Variants in MDGA2 observed in about 807,000 individuals in gnomAD.
The protein encoded by MDGA2 is MAM domain containing glycosylphosphatidylinositol anchor 2.
In MDGA2, 40 loss-of-function variants were observed where a neutral mutation model predicts 117.8. The observed-to-expected ratio is 0.34, with a 90% CI of 0.26 to 0.44. The LOEUF is 0.44. MDGA2 is among the 20% of genes least tolerant of loss of function. MDGA2 has a pLI of 1.00. For synonymous variants in MDGA2, 452 were observed against 439.0 expected (o/e 1.03, Z -0.37); for missense variants, 1,123 against 1,250.6 (o/e 0.90, Z 1.54).
intron 1 of MDGA2, among the ~76,000 whole-genome samples, chr14:47,489,845 T>C (rs1038823755): frequency 6.6e-6 from 1 of 152,096 alleles, no homozygotes; most frequent in Non-Finnish European, 1.5e-5. Context: ...GAGTTTCTTT[T>C]CCTTACATAG....
chr14:47,494,388 TA>T (rs1894235773), intron 1 of MDGA2, among the ~76,000 whole-genome samples: 2 of 152,192 alleles, frequency 1.3e-5, no homozygotes, highest in Non-Finnish European at 2.9e-5. Context: ...AAATTAAGGC[TA>T]ACAGCCAAAG....
At chr14:47,606,275 C>G (rs1896742184) in intron 1 of MDGA2, among the ~76,000 whole-genome samples, 1 of 152,080 alleles carries the variant, frequency 6.6e-6, no homozygotes, top group Non-Finnish European at 1.5e-5. Context: ...ATCTACCAGC[C>G]AGGCTAAAGT....
At chr14:47,570,242 C>T in intron 1 of MDGA2, among the ~76,000 whole-genome samples, 1 of 152,076 alleles carries the variant, frequency 6.6e-6, no homozygotes, top group Non-Finnish European at 1.5e-5. Context: ...ATAGGACCCA[C>T]TTAGTATCCT....
Position 46,957,394 on chromosome 14 carries a change from C to T in MDGA2, c.2069G>A (p.Arg690Lys), listed in dbSNP as rs1438165821. ...CCTACCTGTAACAAGAAAGCTGCAT[C>T]TCCCAGCTCCAGCTTCATTTATGAT... ...CSIINEAGAG[R>K]CSFLVTGKAY... Residue 690 changes from arginine to lysine, a missense_variant, in exon 9 of 17, where the codon AGA becomes AAA. Arg to Lys is a conservative substitution (Grantham distance 26). Around this residue, in one of 2 missense-constraint regions of MDGA2, gnomAD observed 890 missense variants for 1,050.3 expected, o/e 0.85. Transcript: ENST00000399232. The T allele has an allele frequency of 6.2e-7, 1 of 1,613,382 alleles. No homozygotes were observed. Among genetic ancestry groups the T allele is most frequent in the Admixed American group, 1.7e-5 (1 of 59,956 alleles).
intron 3 of MDGA2, among the ~76,000 whole-genome samples, chr14:47,172,086 G>A (rs895148815): frequency 2.0e-5 from 3 of 152,136 alleles, no homozygotes; most frequent in South Asian, 2.1e-4. Flanking sequence ...TGGCAGCAAG[G>A]CTGGGGGAGG....
chr14:47,153,551 CAAAATAA>C (rs1384358424), intron 3 of MDGA2, among the ~76,000 whole-genome samples: 1 of 151,624 alleles, frequency 6.6e-6, no homozygotes, highest in African/African-American at 2.4e-5. Flanking sequence ...GACCTAGAGC[CAAAATAA>C]GTCTGGGCTA....
intron 4 of MDGA2, among the ~76,000 whole-genome samples, chr14:47,132,439 ATTG>A (rs1294307194): frequency 6.6e-6 from 1 of 151,922 alleles, no homozygotes; most frequent in Non-Finnish European, 1.5e-5. Flanking sequence ...CTATATTATT[ATTG>A]TTCTTGTTAT....
intron 8 of MDGA2, among the ~76,000 whole-genome samples, chr14:47,002,391 T>C (rs1887563501): frequency 6.6e-6 from 1 of 152,074 alleles, no homozygotes; most frequent in Non-Finnish European, 1.5e-5. Context: ...GGGAAATAAA[T>C]ATTCCTGATG....
intron 1 of MDGA2, among the ~76,000 whole-genome samples, chr14:47,317,937 C>T (rs543240067): frequency 6.6e-6 from 1 of 152,228 alleles, no homozygotes; most frequent in East Asian, 1.9e-4. Context: ...CACCTCTCTT[C>T]TCTCAAAAAA....
intron 14 of MDGA2, chr14:46,871,435 G>C (rs921702557): frequency 1.3e-5 from 2 of 151,920 alleles, no homozygotes; most frequent in Non-Finnish European, 2.9e-5. Flanking sequence ...TGATGGGCAT[G>C]GTAACTAAAG....
At chr14:47,361,155 T>C (rs1051269304) in intron 1 of MDGA2, among the ~76,000 whole-genome samples, 3 of 151,966 alleles carry the variant, frequency 2.0e-5, no homozygotes, top group Non-Finnish European at 4.4e-5. Flanking sequence ...ATCATTTCAC[T>C]ATGTATATGT....
intron 3 of MDGA2, among the ~76,000 whole-genome samples, chr14:47,206,514 C>T (rs1885689718): frequency 6.6e-6 from 1 of 151,860 alleles, no homozygotes; most frequent in South Asian, 2.1e-4. Context: ...TTGCTTGAGC[C>T]CAGGAGTTAA....
At chr14:46,925,097 T>C (rs1461023179) in intron 9 of MDGA2, among the ~76,000 whole-genome samples, 1 of 152,194 alleles carries the variant, frequency 6.6e-6, no homozygotes, top group East Asian at 1.9e-4. Flanking sequence ...ATGACAAAAA[T>C]ATTTATGTTA....
intron 1 of MDGA2, among the ~76,000 whole-genome samples, chr14:47,492,902 T>C (rs768226267): frequency 2.6e-5 from 4 of 152,120 alleles, no homozygotes; most frequent in Non-Finnish European, 5.9e-5. Flanking sequence ...ATCTTAAAAG[T>C]ATCAAGCCAA....
intron 1 of MDGA2, among the ~76,000 whole-genome samples, chr14:47,430,591 TACTTTATTG>T (rs1164944197): frequency 1.2e-4 from 18 of 152,128 alleles, no homozygotes. Flanking sequence ...ACCATTATAT[TACTTTATTG>T]AATCACAATT....
intron 5 of MDGA2, among the ~76,000 whole-genome samples, chr14:47,120,784 G>C (rs998618890): frequency 5.9e-5 from 9 of 152,080 alleles, no homozygotes; most frequent in African/African-American, 2.2e-4. Flanking sequence ...TCTCCTGTTA[G>C]TCCTTATAAC....
intron 1 of MDGA2, among the ~76,000 whole-genome samples, chr14:47,467,233 G>A (rs1893622605): frequency 6.6e-6 from 1 of 152,072 alleles, no homozygotes; most frequent in East Asian, 1.9e-4. Context: ...TGTGAGAAAG[G>A]TTTCCTTTAC....
chr14:47,283,192 AAG>A (rs1412684116), intron 2 of MDGA2, among the ~76,000 whole-genome samples: 1 of 152,148 alleles, frequency 6.6e-6, no homozygotes, highest in Non-Finnish European at 1.5e-5. Context: ...TAGAAAGCAA[AAG>A]AGAGGAAAAC....
intron 1 of MDGA2, among the ~76,000 whole-genome samples, chr14:47,390,619 C>T (rs1278383522): frequency 1.3e-5 from 2 of 152,132 alleles, no homozygotes; most frequent in South Asian, 2.1e-4. Flanking sequence ...TGAGTTGTAC[C>T]TGCTCAGACA....
Sources: gnomAD v4.1 joint callset for allele counts (sites outside exome capture counted in the v4.1 genomes callset) on GRCh38, gnomAD v4.1.1 for gene constraint, gnomAD v4.1.1 regional missense constraint, MANE v1.5 for transcripts, NCBI Gene and HGNC (gene_info 2026-07-23, HGNC 2026-07-21) for gene names.